ITFG1: variants seen among roughly 807,000 people sequenced by gnomAD.
The protein encoded by ITFG1 is T-cell immunomodulatory protein.
Under a neutral mutation model 81.8 loss-of-function variants are expected in ITFG1, and 34 were observed. That is an observed-to-expected ratio of 0.42 (90% CI 0.32 to 0.55). The LOEUF (loss-of-function observed/expected upper bound fraction) is 0.55. Among genes scored for constraint, ITFG1 ranks in the 20% least tolerant of loss-of-function variants. ITFG1 has a pLI of 0.17. For synonymous variants in ITFG1, 285 were observed against 270.6 expected (o/e 1.05, Z -0.52); for missense variants, 672 against 755.4 (o/e 0.89, Z 1.29).
chr16:47,262,626 A>T (rs909768558), intron 10 of ITFG1: 1 of 152,258 alleles, frequency 6.6e-6, no homozygotes, highest in Non-Finnish European at 1.5e-5. Flanking sequence ...CACAATTTCA[A>T]ATATACAACA....
rs956034520 is a variant in ITFG1, at chr16:47,324,157, C to T, written c.803-10334G>A. Among the ~76,000 whole-genome samples the T allele has an allele frequency of 2.0e-5, 3 of 152,024 alleles. No homozygotes were observed. In the South Asian group the frequency reaches 6.2e-4, roughly 32 times the overall value. On this transcript the variant is annotated intron_variant, in intron 8 of 17. Transcript: ENST00000320640. ...GGATATATCTTTAAAAATCTACAAGCCAGAAGAGAGTGGGGGCCAATATTC... is the reference window on the plus strand; with the variant it reads ...GGATATATCTTTAAAAATCTACAAGTCAGAAGAGAGTGGGGGCCAATATTC...
At chr16:47,331,587 C>T (rs1390711130) in intron 8 of ITFG1, among the ~76,000 whole-genome samples, 1 of 152,200 alleles carries the variant, frequency 6.6e-6, no homozygotes, top group African/African-American at 2.4e-5. Flanking sequence ...TCTGCTTATA[C>T]TCTTCTTTCA....
chr16:47,398,954 A>G (rs1440771231), intron 6 of ITFG1, among the ~76,000 whole-genome samples: 2 of 152,208 alleles, frequency 1.3e-5, no homozygotes, highest in African/African-American at 4.8e-5. Flanking sequence ...CAATGGGAAG[A>G]ATCTTCTATT....
At chr16:47,232,572 A>G (rs989743640) in intron 13 of ITFG1, among the ~76,000 whole-genome samples, 6 of 152,006 alleles carry the variant, frequency 3.9e-5, no homozygotes, top group African/African-American at 1.4e-4. Context: ...GTGAAATAAA[A>G]TTGGGCATAT....
In ITFG1 at chr16:47,213,851, A is replaced by C. The variant is rs183737363; in HGVS notation, c.1453+5017T>G. Among the ~76,000 whole-genome samples, 3 of 152,280 alleles carry C rather than the reference A, an allele frequency of 2.0e-5. No homozygotes were observed. The East Asian group carries it at 5.8e-4, about 29-fold the overall frequency. ...GTGGCTGTTGATCTGTATCCTTCAT[A>C]ATATCTTTATAATAAGCCAGTACAT... is the stretch of plus-strand genomic sequence containing the variant. On this transcript the variant is annotated intron_variant, in intron 14 of 17. Transcript: ENST00000320640.
intron 6 of ITFG1, among the ~76,000 whole-genome samples, chr16:47,419,660 G>A (rs912448522): frequency 1.5e-5 from 2 of 132,826 alleles, no homozygotes; most frequent in Non-Finnish European, 3.1e-5. Flanking sequence ...AGACTGGAGT[G>A]TGGTGGCACA....
intron 5 of ITFG1, among the ~76,000 whole-genome samples, chr16:47,444,364 C>T (rs561915730): frequency 2.2e-4 from 34 of 152,078 alleles, no homozygotes; most frequent in Non-Finnish European, 3.8e-4. Context: ...TGTAATAGCT[C>T]TTCAGTAAAT....
At chr16:47,283,073 A>G (rs1456099830) in intron 10 of ITFG1, among the ~76,000 whole-genome samples, 1 of 151,988 alleles carries the variant, frequency 6.6e-6, no homozygotes, top group Non-Finnish European at 1.5e-5. Flanking sequence ...TATGTAGATA[A>G]GCCTTTTAGT....
intron 8 of ITFG1, among the ~76,000 whole-genome samples, chr16:47,326,737 A>G (rs1012317070): frequency 1.3e-5 from 2 of 152,126 alleles, no homozygotes; most frequent in Admixed American, 6.6e-5. Context: ...GCTTCAAAGA[A>G]AATAAAATAC....
At chr16:47,287,008 T>A (rs898324527) in intron 10 of ITFG1, among the ~76,000 whole-genome samples, 4 of 152,188 alleles carry the variant, frequency 2.6e-5, no homozygotes, top group African/African-American at 9.7e-5. Context: ...ATAATAAATT[T>A]GTTCAAAAGT....
intron 6 of ITFG1, among the ~76,000 whole-genome samples, chr16:47,409,849 C>CA (rs951213290): frequency 2.0e-4 from 30 of 150,944 alleles, no homozygotes; most frequent in Non-Finnish European, 1.6e-4. Context: ...TCTATATAGC[C>CA]AAAAAAAACC....
intron 14 of ITFG1, among the ~76,000 whole-genome samples, chr16:47,191,072 T>C (rs2151517508): frequency 6.6e-6 from 1 of 152,280 alleles, no homozygotes; most frequent in South Asian, 2.1e-4. Context: ...TCAGTGTGGG[T>C]TGGGGCTAAT....
intron 8 of ITFG1, among the ~76,000 whole-genome samples, chr16:47,360,362 T>C (rs1473258988): frequency 6.6e-6 from 1 of 152,162 alleles, no homozygotes; most frequent in African/African-American, 2.4e-5. Context: ...CAAACATTCC[T>C]CTGTTTTATT....
At chr16:47,298,678 G>A (rs1967023239) in intron 10 of ITFG1, among the ~76,000 whole-genome samples, 1 of 152,182 alleles carries the variant, frequency 6.6e-6, no homozygotes, top group Admixed American at 6.5e-5. Context: ...AGCCAGGGTG[G>A]CATGGGTGAT....
intron 7 of ITFG1, among the ~76,000 whole-genome samples, chr16:47,367,386 G>A (rs2151587361): frequency 6.6e-6 from 1 of 152,294 alleles, no homozygotes; most frequent in Non-Finnish European, 1.5e-5. Context: ...GAGGCTGTGG[G>A]GAAGGGCTAA....
chr16:47,177,145 A>T (rs116278616), intron 14 of ITFG1, among the ~76,000 whole-genome samples: 3,080 of 151,898 alleles, frequency 0.02, 105 homozygotes, highest in African/African-American at 0.07. Context: ...TATTTTTTAA[A>T]ATTTTTAAGG....
chr16:47,317,180 A>C (rs546874029), intron 8 of ITFG1, among the ~76,000 whole-genome samples: 1 of 152,334 alleles, frequency 6.6e-6, no homozygotes, highest in African/African-American at 2.4e-5. Flanking sequence ...ATTACAAATG[A>C]AATTCTTCTC....
intron 6 of ITFG1, among the ~76,000 whole-genome samples, chr16:47,417,969 T>C (rs1246800755): frequency 2.0e-5 from 3 of 152,232 alleles, no homozygotes; most frequent in Non-Finnish European, 4.4e-5. Context: ...TTTTCCATAA[T>C]GGCTGTACTA....
intron 8 of ITFG1, among the ~76,000 whole-genome samples, chr16:47,334,789 T>A (rs1282210307): frequency 1.3e-5 from 2 of 152,188 alleles, no homozygotes; most frequent in Admixed American, 1.3e-4. Context: ...TCTCTATACA[T>A]GCAAATATTA....
Sources: gnomAD v4.1 joint callset for allele counts (sites outside exome capture counted in the v4.1 genomes callset) on GRCh38, gnomAD v4.1.1 for gene constraint, MANE v1.5 for transcripts, NCBI Gene and HGNC (gene_info 2026-07-23, HGNC 2026-07-21) for gene names.